Variants in HACL1 observed in about 807,000 individuals in gnomAD.
HACL1 encodes 2-hydroxyacyl-CoA lyase 1.
Under a neutral mutation model 74.2 loss-of-function variants are expected in HACL1, and 64 were observed. The observed-to-expected ratio is 0.86, with a 90% CI of 0.70 to 1.06. The LOEUF (loss-of-function observed/expected upper bound fraction) is 1.06. HACL1 is among the 50% of genes least tolerant of loss of function. The probability of loss-of-function intolerance (pLI) is 0.00; values close to 1 mark genes in which losing one functional copy is unlikely to be tolerated. For synonymous variants in HACL1, 230 were observed against 238.8 expected (o/e 0.96, Z 0.34); for missense variants, 728 against 719.7 (o/e 1.01, Z -0.13).
In HACL1 at chr3:15,574,980, G is replaced by A. The variant is rs753491998; in HGVS notation, c.906C>T (p.Ile302=). 1.4e-6 allele frequency: 2 copies of A among 1,451,016 alleles called. No individual in the cohort carries two copies. Among genetic ancestry groups the A allele is most frequent in the East Asian group, 4.5e-5 (2 of 44,062 alleles). 89.9% of individuals were successfully genotyped at this position (1,451,016 alleles called of 1,614,324 possible). A position where few individuals can be genotyped will look rare whatever the true frequency, so the allele number is the denominator to read the frequency against. The change falls in exon 10 of 17, where the codon ATC becomes ATT. Residue 302 remains isoleucine (I), a synonymous_variant. Coordinates refer to ENST00000321169, the MANE Select transcript of HACL1 (RefSeq NM_012260.4). The part of the protein sequence containing the change: ...PPRYQPDVKF[I]QVDICAEELG... Reference sequence around the variant, plus strand: ...TAAGTTCCTCCTCTCTAAGTACCTGGATAAACTTCACATCTGGCTGATATC... The same window carrying A: ...TAAGTTCCTCCTCTCTAAGTACCTGAATAAACTTCACATCTGGCTGATATC...
chr3:15,578,880 G>C (rs2063671883), intron 9 of HACL1, among the ~76,000 whole-genome samples: 1 of 152,148 alleles, frequency 6.6e-6, no homozygotes, highest in Non-Finnish European at 1.5e-5. Flanking sequence ...GCCAGGAAAA[G>C]GGGCAACTGA....
Position 15,571,772 on chromosome 3 carries a change from TAAA to T in HACL1, c.994-6_994-4del. The T allele has an allele frequency of 3.0e-5, 25 of 829,632 alleles. No individual in the cohort carries two copies. Among genetic ancestry groups the T allele is most frequent in the Admixed American group, 1.3e-4 (5 of 39,354 alleles). The allele number at this position is 829,632 out of a possible 1,614,324, so 51.4% of individuals were successfully genotyped here. ...GTTTTATCAAGTTCCTCTAAAAGCTTAAAAAAAAAAAAACACACACACACAAAC... is the reference window on the plus strand; with the variant it reads ...GTTTTATCAAGTTCCTCTAAAAGCTTAAAAAAAAAACACACACACACAAAC... On this transcript the variant is annotated splice_region_variant and splice_polypyrimidine_tract_variant and intron_variant, in intron 11 of 16. Transcript: ENST00000321169.
Position 15,585,250 on chromosome 3 carries a change from T to C in HACL1, c.552A>G (p.Ile184Met), listed in dbSNP as rs1382533547. ...FVNLQVNVNS[I>M]KYMERCMSPP... ...ATTCCAGCATAACTATTACTCACTT[T>C]ATAGAATTCACATTCACCTGAAGGT... The change falls in exon 7 of 17, where the codon ATA becomes ATG. Residue 184 changes from isoleucine to methionine, a missense_variant and splice_region_variant. By Grantham distance (10) the Ile-to-Met change is conservative. Coordinates refer to ENST00000321169, the MANE Select transcript of HACL1 (RefSeq NM_012260.4). 2 of 1,464,838 alleles carry C rather than the reference T, an allele frequency of 1.4e-6. No homozygotes were observed. The highest frequency in any genetic ancestry group is 2.3e-5 in the East Asian group (1 of 44,164). The allele number at this position is 1,464,838 out of a possible 1,614,324, so 90.7% of individuals were successfully genotyped here.
intron 14 of HACL1, among the ~76,000 whole-genome samples, chr3:15,567,177 C>T (rs573253940): frequency 2.7e-5 from 4 of 147,242 alleles, no homozygotes; most frequent in African/African-American, 1.0e-4. Flanking sequence ...TATTTAAATC[C>T]AGGCCATTTG....
At position 15,566,467 on chromosome 3, in the gene HACL1, A is replaced by C. The variant is rs543656643; in HGVS notation, c.1409+1377T>G. The stretch of plus-strand genomic sequence containing the variant: ...TTAGAAATTTGAGACCAGTGTGGCC[A>C]ATATGGCAAAGCCCTGTCTCTACAA... On this transcript the variant is annotated intron_variant, in intron 14 of 16. Coordinates refer to ENST00000321169, the MANE Select transcript of HACL1 (RefSeq NM_012260.4). Among the ~76,000 whole-genome samples, 6 of 152,340 alleles carry C rather than the reference A, an allele frequency of 3.9e-5. No individual in the cohort carries two copies. In the South Asian group the frequency reaches 8.3e-4, roughly 21 times the overall value.
At chr3:15,592,481 T>TAC (rs139294939) in intron 3 of HACL1, among the ~76,000 whole-genome samples, 126,224 of 138,050 alleles carry the variant, frequency 0.91, 57,967 homozygotes, top group African/African-American at 0.94. Context: ...CACGTATACA[T>TAC]ACACTTGTAT....
Position 15,570,790 on chromosome 3 carries a change from G to A in HACL1, c.1095+878C>T, listed in dbSNP as rs115851153. On this transcript the variant is annotated intron_variant, in intron 12 of 16. Transcript: ENST00000321169. Reference sequence around the variant, plus strand: ...CAAAGCCAAGAGTGCAAATGAGAGCGCTGCAAAAAAATTTCCAGCAGTGAT... The same window carrying A: ...CAAAGCCAAGAGTGCAAATGAGAGCACTGCAAAAAAATTTCCAGCAGTGAT... 9.2e-3 allele frequency among the ~76,000 whole-genome samples: 1,397 copies of A among 151,768 alleles called. 18 individuals are homozygous for A. Among genetic ancestry groups the A allele is most frequent in the African/African-American group, 0.032 (1,329 of 41,384 alleles).
intron 12 of HACL1, among the ~76,000 whole-genome samples, chr3:15,569,974 G>C (rs2063498333): frequency 6.7e-6 from 1 of 149,330 alleles, no homozygotes; most frequent in South Asian, 2.1e-4. Context: ...TGGGCAACAA[G>C]AGTGAAACTC....
intron 2 of HACL1, 111 bp from the exon 3 acceptor site, chr3:15,596,535 AAAAT>A (rs1300600438): frequency 3.0e-6 from 2 of 666,754 alleles, no homozygotes; most frequent in Non-Finnish European, 5.5e-6. Context: ...AGGCAGAATT[AAAAT>A]ATTTCCAACC....
At position 15,596,432 on chromosome 3, in the gene HACL1, A is replaced by G; in HGVS notation, c.187-8T>C. On this transcript the variant is annotated splice_region_variant and splice_polypyrimidine_tract_variant and intron_variant, in intron 2 of 16. Transcript: ENST00000321169. ...GGAGGCAGCATAACAAGCCTACGAG[A>G]AAACAACACTGGGACTTGAGCATAT... 1 of 1,577,032 alleles carries G rather than the reference A, an allele frequency of 6.3e-7. No homozygotes were observed. Among genetic ancestry groups the G allele is most frequent in the Non-Finnish European group, 8.7e-7 (1 of 1,146,262 alleles).
chr3:15,566,109 G>C (rs1340556581), intron 14 of HACL1, among the ~76,000 whole-genome samples: 1 of 152,046 alleles, frequency 6.6e-6, no homozygotes, highest in Non-Finnish European at 1.5e-5. Context: ...TGATATAGAG[G>C]GACAACTATA....
intron 3 of HACL1, among the ~76,000 whole-genome samples, chr3:15,592,056 GTA>G (rs1413076294): frequency 8.2e-5 from 2 of 24,274 alleles, no homozygotes; most frequent in African/African-American, 1.9e-4. Flanking sequence ...CACTATATAC[GTA>G]TATATACGTA....
chr3:15,595,376 G>C (rs1246036736), intron 3 of HACL1, among the ~76,000 whole-genome samples: 3 of 151,954 alleles, frequency 2.0e-5, no homozygotes, highest in Non-Finnish European at 4.4e-5. Context: ...GTGAGGTCTA[G>C]ACTTTGAGAA....
chr3:15,578,741 G>A (rs140860725), intron 9 of HACL1, among the ~76,000 whole-genome samples: 1 of 152,208 alleles, frequency 6.6e-6, no homozygotes, highest in African/African-American at 2.4e-5. Flanking sequence ...TCATCTTTGA[G>A]GCAAGAGGGA....
chr3:15,574,691 A>C (rs1261445558), intron 10 of HACL1, among the ~76,000 whole-genome samples: 1 of 152,220 alleles, frequency 6.6e-6, no homozygotes, highest in Non-Finnish European at 1.5e-5. Context: ...TCTACCTTTA[A>C]ATATACTTGA....
intron 16 of HACL1, 35 bp downstream of exon 16, chr3:15,563,323 G>C: frequency 7.1e-7 from 1 of 1,412,272 alleles, no homozygotes; most frequent in South Asian, 1.2e-5. Context: ...GGAAGCAGAT[G>C]CATTTCTTGC....
intron 3 of HACL1, 139 bp from the exon 4 acceptor site, chr3:15,591,819 G>C: frequency 1.8e-6 from 1 of 544,888 alleles, no homozygotes; most frequent in African/African-American, 1.9e-5. Context: ...ACAATTATTA[G>C]AATATTTTTA....
chr3:15,593,796 C>CTTTT (rs1322426326), intron 3 of HACL1, among the ~76,000 whole-genome samples: 4 of 111,368 alleles, frequency 3.6e-5, no homozygotes, highest in African/African-American at 1.0e-4. Flanking sequence ...TTTTTTTTGT[C>CTTTT]TTTTTTTTTT....
rs1360335626 is a variant in HACL1, at chr3:15,591,828, T to C, written c.228-148A>G. 1.1e-4 allele frequency: 61 copies of C among 549,498 alleles called. No individual in the cohort carries two copies. In the East Asian group the frequency reaches 1.7e-3, roughly 15 times the overall value. The allele number at this position is 549,498 out of a possible 1,614,324, so 34.0% of individuals were successfully genotyped here. A position where few individuals can be genotyped will look rare whatever the true frequency, so the allele number is the denominator to read the frequency against. ...GATAAAACAATTATTAGAATATTTT[T>C]AATTAAAAAACAAGGCGATATATAT... On this transcript the variant is annotated intron_variant, in intron 3 of 16. Transcript: ENST00000321169.
Sources: gnomAD v4.1 joint callset for allele counts (sites outside exome capture counted in the v4.1 genomes callset) on GRCh38, gnomAD v4.1.1 for gene constraint, MANE v1.5 for transcripts, NCBI Gene and HGNC (gene_info 2026-07-23, HGNC 2026-07-21) for gene names.